The following TTLL9 variants were observed in gnomAD, a reference collection of about 807,000 sequenced individuals.
TTLL9 encodes the protein probable tubulin polyglutamylase TTLL9.
In TTLL9, 47 loss-of-function variants were observed where a neutral mutation model predicts 65.6. That is an observed-to-expected ratio of 0.72 (90% confidence interval 0.57 to 0.91). TTLL9 has a LOEUF of 0.91. TTLL9 is among the 40% of genes least tolerant of loss of function. The pLI is 0.00. For synonymous variants in TTLL9, 179 were observed against 204.8 expected (o/e 0.87, Z 1.07); for missense variants, 537 against 568.8 (o/e 0.94, Z 0.57).
intron 3 of TTLL9, among the ~76,000 whole-genome samples, chr20:31,889,670 C>T (rs2063255161): frequency 6.6e-6 from 1 of 152,092 alleles, no homozygotes; most frequent in African/African-American, 2.4e-5. Context: ...ATCCACCTGC[C>T]TTGGCCTCCC....
At chr20:31,906,928 G>T (rs1448370381) in intron 4 of TTLL9, among the ~76,000 whole-genome samples, 1 of 152,160 alleles carries the variant, frequency 6.6e-6, no homozygotes, top group Non-Finnish European at 1.5e-5. Flanking sequence ...GGGATTACAG[G>T]TGTGAGCCAG....
At chr20:31,871,340 C>A in intron 2 of TTLL9, 145 bp downstream of exon 2, 1 of 817,326 alleles carries the variant, frequency 1.2e-6, no homozygotes. Flanking sequence ...TGCTAGATGA[C>A]CCTGGGAAAG....
Position 31,911,845 on chromosome 20 carries a change from T to C in TTLL9, c.504+1923T>C, listed in dbSNP as rs2377320. ...GTGTGTCTGTGCGTGTGTGTGTGTG[T>C]GTGTGTGTGTGTGTGTGTGTGTGTG... is the stretch of plus-strand genomic sequence containing the variant. On this transcript the variant is annotated intron_variant, in intron 6 of 14. Transcript: ENST00000535842. 2.3e-5 allele frequency among the ~76,000 whole-genome samples: 3 copies of C among 128,484 alleles called. No individual in the cohort carries two copies. The East Asian group carries it at 6.0e-4, about 26-fold the overall frequency. The allele number at this position is 128,484 out of a possible 152,430, so 84.3% of individuals were successfully genotyped here. A position where few individuals can be genotyped will look rare whatever the true frequency, so the allele number is the denominator to read the frequency against.
At chr20:31,876,787 T>C (rs1052029801) in intron 2 of TTLL9, among the ~76,000 whole-genome samples, 4 of 152,216 alleles carry the variant, frequency 2.6e-5, no homozygotes, top group Non-Finnish European at 5.9e-5. Context: ...TTTCCCCACG[T>C]CCTCACTAAC....
chr20:31,932,163 A>G (rs1384479409), intron 10 of TTLL9, among the ~76,000 whole-genome samples: 1 of 151,786 alleles, frequency 6.6e-6, no homozygotes, highest in African/African-American at 2.4e-5. Context: ...ACATGTTGAA[A>G]CCCTGTCTCT....
chr20:31,873,682 GAGAGAAAGAAAGAA>G (rs1161846337), intron 2 of TTLL9, among the ~76,000 whole-genome samples: 22 of 87,390 alleles, frequency 2.5e-4, no homozygotes, highest in Middle Eastern at 5.3e-3. Context: ...GAAAGAGAGA[GAGAGAAAGAAAGAA>G]AGAAAGAAAG....
At chr20:31,897,599 G>C (rs2063405557) in intron 3 of TTLL9, among the ~76,000 whole-genome samples, 1 of 152,214 alleles carries the variant, frequency 6.6e-6, no homozygotes, top group South Asian at 2.1e-4. Flanking sequence ...AGACTGGGGA[G>C]GAAGTCCAGG....
chr20:31,915,705 C>G (rs1447567988), intron 6 of TTLL9, among the ~76,000 whole-genome samples: 1 of 151,674 alleles, frequency 6.6e-6, no homozygotes, highest in Non-Finnish European at 1.5e-5. Flanking sequence ...TTCGCTGGTT[C>G]TCTTGGCTGC....
intron 3 of TTLL9, among the ~76,000 whole-genome samples, chr20:31,897,925 A>C (rs1600551529): frequency 6.6e-6 from 1 of 152,244 alleles, no homozygotes; most frequent in East Asian, 1.9e-4. Context: ...TTTGTCGTCT[A>C]TGCCCATTGG....
Position 31,898,528 on chromosome 20 carries a change from G to A in TTLL9, c.169G>A (p.Val57Ile), listed in dbSNP as rs543250716. Reference protein sequence around the residue: ...KTTLMNTLMDVLRHRPGWVEV... With the variant: ...KTTLMNTLMDILRHRPGWVEV... ...CACCCTCATGAACACACTCATGGAC[G>A]TCCTTCGCCACAGGCCAGGATGGGT... Residue 57 changes from valine to isoleucine, a missense_variant, in exon 4 of 15, where the codon GTC becomes ATC. Transcript: ENST00000535842. 4.3e-6 allele frequency: 7 copies of A among 1,614,080 alleles called. No homozygotes were observed. Among genetic ancestry groups the A allele is most frequent in the African/African-American group, 1.3e-5 (1 of 74,926 alleles).
chr20:31,919,523 C>A (rs539181303), intron 6 of TTLL9, among the ~76,000 whole-genome samples: 32 of 152,234 alleles, frequency 2.1e-4, no homozygotes, highest in South Asian at 1.2e-3. Context: ...CGGAGCAAAC[C>A]CTAATTAGGA....
At chr20:31,891,657 G>A (rs1661426520) in intron 3 of TTLL9, among the ~76,000 whole-genome samples, 1 of 150,286 alleles carries the variant, frequency 6.7e-6, no homozygotes, top group African/African-American at 2.4e-5. Context: ...TATTTTAAAT[G>A]GTTACTTTAG....
chr20:31,927,260 T>A (rs934967492), intron 10 of TTLL9, among the ~76,000 whole-genome samples: 2 of 151,896 alleles, frequency 1.3e-5, no homozygotes, highest in Non-Finnish European at 1.5e-5. Context: ...GGCAGGTGGA[T>A]CACCTGAGGC....
intron 2 of TTLL9, among the ~76,000 whole-genome samples, chr20:31,886,543 G>A (rs958243516): frequency 6.6e-6 from 1 of 150,652 alleles, no homozygotes. Flanking sequence ...AGATCAGCTG[G>A]GTACGGTGGC....
At position 31,942,996 on chromosome 20, in the gene TTLL9, A is replaced by G. The variant is rs2064242201; in HGVS notation, c.1295A>G (p.Gln432Arg). 1 of 1,613,944 alleles carries G rather than the reference A, an allele frequency of 6.2e-7. No individual in the cohort carries two copies. Among genetic ancestry groups the G allele is most frequent in the Non-Finnish European group, 8.5e-7 (1 of 1,179,922 alleles). The stretch of plus-strand genomic sequence containing the variant: ...CTGAGGCAGCTCTTCTGCTCCCTTC[A>G]AGTTCAGAAGAAAGCTTCCAGTTGA... ...KQLRQLFCSL[Q>R]VQKKASS Residue 432 changes from glutamine to arginine, a missense_variant, in exon 15 of 15, where the codon CAA becomes CGA. This residue lies in a region of TTLL9 where 205 missense variants were observed against 225.9 expected (regional missense o/e 0.91). Transcript: ENST00000535842.
chr20:31,931,551 C>T (rs1568832459), intron 10 of TTLL9, among the ~76,000 whole-genome samples: 1 of 152,224 alleles, frequency 6.6e-6, no homozygotes, highest in Non-Finnish European at 1.5e-5. Flanking sequence ...GCTAGGATTA[C>T]AGGCGCGGCC....
chr20:31,873,674 A>AAGAGAGAGAGAG (rs946296861), intron 2 of TTLL9, among the ~76,000 whole-genome samples: 6 of 116,500 alleles, frequency 5.2e-5, no homozygotes, highest in African/African-American at 2.3e-4. Context: ...GAAAGAAAGA[A>AAGAGAGAGAGAG]AGAGAGAGAG....
Position 31,909,868 on chromosome 20 carries a change from C to G in TTLL9, c.450C>G (p.His150Gln), listed in dbSNP as rs2063620880. ...CCTTTGAGATGCCTTGCGAGTACCA[C>G]CTGTTTGTAGAGGAGTTTCGCAAAA... ...PKTFEMPCEY[H>Q]LFVEEFRKNP... The change falls in exon 6 of 15, where the codon CAC becomes CAG. Residue 150 changes from histidine to glutamine, a missense_variant. By Grantham distance (24) the His-to-Gln change is conservative (BLOSUM62 0). Around this residue, in one of 3 missense-constraint regions of TTLL9, gnomAD observed 320 missense variants for 311.0 expected, o/e 1.03. Coordinates refer to ENST00000535842, the MANE Select transcript of TTLL9 (RefSeq NM_001008409.5). 1 of 1,614,016 alleles carries G rather than the reference C, an allele frequency of 6.2e-7. No homozygotes were observed. The highest frequency in any genetic ancestry group is 1.3e-5 in the African/African-American group (1 of 74,904).
At chr20:31,909,302 C>T (rs1484085705) in intron 5 of TTLL9, among the ~76,000 whole-genome samples, 26 of 151,772 alleles carry the variant, frequency 1.7e-4, no homozygotes, top group Non-Finnish European at 8.8e-5. Context: ...CACCACCATG[C>T]CCGGCTAATT....
Sources: allele counts gnomAD v4.1 joint callset (sites outside exome capture counted in the v4.1 genomes callset), GRCh38; gene constraint gnomAD v4.1.1; regional missense constraint gnomAD v4.1.1; transcripts MANE v1.5; gene names NCBI Gene and HGNC (gene_info 2026-07-23, HGNC 2026-07-21).